Variants in PBX3 observed in about 807,000 individuals in gnomAD.
PBX3 encodes the protein PBX homeobox 3.
PBX3 carries 14 observed loss-of-function variants against 48.5 expected under a neutral mutation model. That is an observed-to-expected ratio of 0.29 (90% CI 0.19 to 0.45). PBX3 has a LOEUF of 0.45. Among genes scored for constraint, PBX3 ranks in the 20% least tolerant of loss-of-function variants. The pLI is 1.00. For synonymous variants in PBX3, 210 were observed against 200.3 expected, an observed-to-expected ratio of 1.05 and a Z score of -0.41; for missense variants, 386 against 546.7, an observed-to-expected ratio of 0.71 and a Z score of 2.93.
At chr9:125,907,407 C>G (rs1033222096) in intron 2 of PBX3, among the ~76,000 whole-genome samples, 9 of 151,696 alleles carry the variant, frequency 5.9e-5, no homozygotes, top group Non-Finnish European at 4.4e-5. Context: ...CCATTTTCAC[C>G]AATGATATGA....
chr9:125,844,714 G>C (rs183730012), intron 2 of PBX3: 1 of 152,102 alleles, frequency 6.6e-6, no homozygotes, highest in African/African-American at 2.4e-5. Flanking sequence ...ATCCAGTCTT[G>C]GAAGAAAACT....
intron 2 of PBX3, among the ~76,000 whole-genome samples, chr9:125,910,432 G>C (rs1485501532): frequency 6.6e-6 from 1 of 151,878 alleles, no homozygotes; most frequent in Non-Finnish European, 1.5e-5. Context: ...GTGATTATTC[G>C]GTTTGAATGA....
chr9:125,871,173 C>T (rs925367854), intron 2 of PBX3, among the ~76,000 whole-genome samples: 27 of 152,078 alleles, frequency 1.8e-4, no homozygotes, highest in Non-Finnish European at 1.5e-4. Flanking sequence ...CCGAGGTGGG[C>T]AGATCATGAG....
rs1378406435 is a variant in PBX3, at chr9:125,793,364, AAAAT to A, written c.274+44743_274+44746del. 1.2e-3 allele frequency among the ~76,000 whole-genome samples: 68 copies of A among 59,114 alleles called. 1 individual carries two copies. The highest frequency in any genetic ancestry group is 3.4e-3 in the African/African-American group (62 of 18,414). The allele number at this position is 59,114 out of a possible 152,430, so 38.8% of individuals were successfully genotyped here. A position where few individuals can be genotyped will look rare whatever the true frequency, so the allele number is the denominator to read the frequency against. On this transcript the variant is annotated intron_variant, in intron 2 of 8. Transcript: ENST00000373489. The stretch of plus-strand genomic sequence containing the variant: ...GAGACTCCATTTGGGGGGGAAAAAA[AAAAT>A]ATATATATATATATATATATATATT...
intron 2 of PBX3, among the ~76,000 whole-genome samples, chr9:125,813,709 G>A (rs1327936876): frequency 2.6e-5 from 4 of 151,900 alleles, no homozygotes; most frequent in Admixed American, 2.6e-4. Context: ...TCTTTGCCTT[G>A]TCCTAGCCCT....
intron 2 of PBX3, among the ~76,000 whole-genome samples, chr9:125,762,694 C>T (rs1361848920): frequency 6.6e-6 from 1 of 152,206 alleles, no homozygotes; most frequent in Non-Finnish European, 1.5e-5. Flanking sequence ...TAATTCATAA[C>T]AAACCTTGCA....
intron 2 of PBX3, among the ~76,000 whole-genome samples, chr9:125,831,457 C>G (rs891131741): frequency 6.6e-6 from 1 of 150,524 alleles, no homozygotes; most frequent in Admixed American, 6.6e-5. Context: ...GAGTCTCGCT[C>G]TGTTGCCCAG....
chr9:125,956,806 T>C (rs937347809), intron 5 of PBX3, among the ~76,000 whole-genome samples: 9 of 152,202 alleles, frequency 5.9e-5, no homozygotes, highest in Non-Finnish European at 1.2e-4. Flanking sequence ...TTCACCAGTT[T>C]CCTGCCTGCC....
intron 2 of PBX3, among the ~76,000 whole-genome samples, chr9:125,798,080 A>T (rs1837836106): frequency 6.6e-6 from 1 of 152,192 alleles, no homozygotes; most frequent in East Asian, 1.9e-4. Context: ...AAATGCAAAC[A>T]TACGTTTCTG....
chr9:125,792,046 GCA>G (rs1491080190), intron 2 of PBX3, among the ~76,000 whole-genome samples: 1 of 26,812 alleles, frequency 3.7e-5, no homozygotes, highest in Admixed American at 2.6e-4. Context: ...ACACACACAC[GCA>G]CGCACGCACG....
At chr9:125,787,506 C>T (rs938744977) in intron 2 of PBX3, among the ~76,000 whole-genome samples, 4 of 152,128 alleles carry the variant, frequency 2.6e-5, no homozygotes, top group African/African-American at 9.7e-5. Context: ...ATTGAAATGG[C>T]ACTATCATGA....
intron 2 of PBX3, among the ~76,000 whole-genome samples, chr9:125,769,380 G>T (rs548228351): frequency 6.6e-6 from 1 of 152,138 alleles, no homozygotes; most frequent in Non-Finnish European, 1.5e-5. Flanking sequence ...GGACCACCAG[G>T]GGTCCACGGA....
intron 2 of PBX3, among the ~76,000 whole-genome samples, chr9:125,768,392 T>C (rs1836855020): frequency 6.6e-6 from 1 of 152,224 alleles, no homozygotes; most frequent in East Asian, 1.9e-4. Flanking sequence ...AAATAAGTTT[T>C]GTTTATGCGG....
intron 2 of PBX3, among the ~76,000 whole-genome samples, chr9:125,787,283 G>A (rs56268032): frequency 0.039 from 5,896 of 152,054 alleles, 405 homozygotes; most frequent in African/African-American, 0.13. Context: ...AGTGGGAATT[G>A]GAAAGCTGAG....
intron 2 of PBX3, among the ~76,000 whole-genome samples, chr9:125,762,911 T>A (rs1836707481): frequency 6.6e-6 from 1 of 152,234 alleles, no homozygotes; most frequent in Admixed American, 6.5e-5. Flanking sequence ...TGAGCAGATT[T>A]TTTTTTTGGA....
chr9:125,766,264 G>A (rs1236418209), intron 2 of PBX3, among the ~76,000 whole-genome samples: 1 of 151,872 alleles, frequency 6.6e-6, no homozygotes, highest in Non-Finnish European at 1.5e-5. Flanking sequence ...TTTAATTACA[G>A]TAACTATATA....
chr9:125,886,479 G>A (rs1840504802), intron 2 of PBX3, among the ~76,000 whole-genome samples: 1 of 152,082 alleles, frequency 6.6e-6, no homozygotes, highest in African/African-American at 2.4e-5. Context: ...ATCCCGAATG[G>A]TAAATTTGAG....
intron 2 of PBX3, among the ~76,000 whole-genome samples, chr9:125,910,045 A>T (rs973265222): frequency 6.6e-6 from 1 of 152,168 alleles, no homozygotes; most frequent in East Asian, 1.9e-4. Flanking sequence ...AGTGAAGGAA[A>T]TGGAGGTGTG....
intron 5 of PBX3, among the ~76,000 whole-genome samples, chr9:125,957,837 A>T (rs1260929613): frequency 6.6e-6 from 1 of 152,186 alleles, no homozygotes; most frequent in East Asian, 1.9e-4. Flanking sequence ...TGCACTATAG[A>T]TATGTTCAAT....
Sources: allele counts gnomAD v4.1 joint callset (sites outside exome capture counted in the v4.1 genomes callset), GRCh38; gene constraint gnomAD v4.1.1; transcripts MANE v1.5; gene names NCBI Gene and HGNC (gene_info 2026-07-23, HGNC 2026-07-21).